The following EDN3 variants were observed in gnomAD, a reference collection of about 807,000 sequenced individuals.
EDN3 encodes endothelin 3.
Under a neutral mutation model 21.4 loss-of-function variants are expected in EDN3, and 9 were observed. The ratio of observed to expected loss-of-function variants is 0.42; its 90% CI spans 0.25 to 0.73. The LOEUF is 0.73. EDN3 is among the 30% of genes least tolerant of loss of function. The probability of loss-of-function intolerance (pLI) is 0.26; values close to 1 mark genes in which losing one functional copy is unlikely to be tolerated. For synonymous variants in EDN3, 133 were observed against 126.2 expected (o/e 1.05, Z -0.36); for missense variants, 327 against 309.4 (o/e 1.06, Z -0.43).
rs764022228 is a variant in EDN3, at chr20:59,300,798, G to C, written c.-15G>C. 1 of 1,608,422 alleles carries C rather than the reference G, an allele frequency of 6.2e-7. No individual in the cohort carries two copies. The highest frequency in any genetic ancestry group is 1.1e-5 in the South Asian group (1 of 90,478). ...CGTCCTCCTGGTCCGGTGCTCCGGC[G>C]CCTGATCTAGGTTCATGGAGCCGGG... On this transcript the variant is annotated 5_prime_UTR_variant, in exon 1 of 5. Coordinates refer to ENST00000337938, the MANE Select transcript of EDN3 (RefSeq NM_207034.3).
rs1448137051 is a variant in EDN3 at position 59,311,330 on chromosome 20, G to A, written c.365+9608G>A. Among the ~76,000 whole-genome samples, 6 of 152,220 alleles carry A rather than the reference G, an allele frequency of 3.9e-5. No homozygotes were observed. In the East Asian group the frequency reaches 1.2e-3, roughly 29 times the overall value. On this transcript the variant is annotated intron_variant, in intron 2 of 4. Transcript: ENST00000337938. ...GGCAAGTCCATAGAGTAAAGCGAAAGCAAATGTATTAGAGAAGTAAAGAAA... is the reference window on the plus strand; with the variant it reads ...GGCAAGTCCATAGAGTAAAGCGAAAACAAATGTATTAGAGAAGTAAAGAAA...
chr20:59,305,957 A>G lies in EDN3; in HGVS notation c.365+4235A>G, dbSNP rs1332720241. 2.0e-5 allele frequency among the ~76,000 whole-genome samples: 3 copies of G among 152,232 alleles called. No individual in the cohort carries two copies. Among genetic ancestry groups the G allele is most frequent in the African/African-American group, 4.8e-5 (2 of 41,454 alleles). The stretch of plus-strand genomic sequence containing the variant: ...GCCAAGTTGACACCTAAAGTGACCC[A>G]TAACGGGGATGTCAGCTCGAACCAC... On this transcript the variant is annotated intron_variant, in intron 2 of 4. Transcript: ENST00000337938. The surrounding 1 kb of genome is among the most constrained non-coding windows in gnomAD (Gnocchi z 4.2).
intron 2 of EDN3, among the ~76,000 whole-genome samples, chr20:59,311,656 G>GTT (rs57971399): frequency 8.4e-5 from 12 of 142,948 alleles, no homozygotes; most frequent in Admixed American, 2.8e-4. Flanking sequence ...TTTTGGCCAT[G>GTT]TTTTTTTTTT....
chr20:59,306,595 TAAAAAAA>T (rs57144708), intron 2 of EDN3, among the ~76,000 whole-genome samples: 18,329 of 62,540 alleles, frequency 0.29, 1,586 homozygotes, highest in Middle Eastern at 0.44. Context: ...GCATAAAGAG[TAAAAAAA>T]AAAAAAAAAA....
At chr20:59,301,039 TA>T (rs1257369524) in intron 1 of EDN3, among the ~76,000 whole-genome samples, 175 bp downstream of exon 1, 1 of 152,194 alleles carries the variant, frequency 6.6e-6, no homozygotes, top group African/African-American at 2.4e-5. Flanking sequence ...GCGCAACGAC[TA>T]CCCGCACGGG....
chr20:59,322,493 G>A lies in EDN3; in HGVS notation c.588+76G>A. 6.3e-7 allele frequency: 1 copy of A among 1,587,600 alleles called. No individual in the cohort carries two copies. Among genetic ancestry groups the A allele is most frequent in the Non-Finnish European group, 8.6e-7 (1 of 1,156,918 alleles). On this transcript the variant is annotated intron_variant, in intron 4 of 4. Transcript: ENST00000337938. The surrounding 1 kb of genome is among the most constrained non-coding windows in gnomAD (Gnocchi z 4.1). ...GTCATTCCTTCGGGGGTGGGTGGAG[G>A]GTGTTTTGAGGGGATGGCATCTGGT...
chr20:59,312,589 T>C (rs1019094746), intron 2 of EDN3, among the ~76,000 whole-genome samples: 1 of 152,172 alleles, frequency 6.6e-6, no homozygotes, highest in East Asian at 1.9e-4. Context: ...CTTATGGTAA[T>C]AGGCCATGGA....
Position 59,300,690 on chromosome 20 carries a change from GA to G in EDN3, c.-122del. On this transcript the variant is annotated 5_prime_UTR_variant, in exon 1 of 5. The change creates a premature stop within an existing upstream ORF in the 5' untranslated region. Coordinates refer to ENST00000337938, the MANE Select transcript of EDN3 (RefSeq NM_207034.3). ...GGCCGGAGCTGGAGACGCAGCGAGC[GA>G]TCGGCCGGCCTCGAACCCCCACAGC... 2 of 960,742 alleles carry G rather than the reference GA, an allele frequency of 2.1e-6. No homozygotes were observed. Among genetic ancestry groups the G allele is most frequent in the Non-Finnish European group, 3.1e-6 (2 of 641,888 alleles). 59.5% of individuals were successfully genotyped at this position (960,742 alleles called of 1,614,324 possible). A position where few individuals can be genotyped will look rare whatever the true frequency, so the allele number is the denominator to read the frequency against.
chr20:59,320,930 A>G, intron 2 of EDN3, 87 bp from the exon 3 acceptor site: 1 of 1,434,646 alleles, frequency 7.0e-7, no homozygotes, highest in Non-Finnish European at 9.8e-7. Flanking sequence ...CTTTTCAGCC[A>G]GGCGGTGGTT....
chr20:59,321,351 A>G (rs886913082), intron 3 of EDN3, among the ~76,000 whole-genome samples, 158 bp downstream of exon 3: 8 of 152,144 alleles, frequency 5.3e-5, no homozygotes, highest in Admixed American at 5.2e-4. Context: ...GAGCCCAGAA[A>G]AGACCCAGGT....
intron 2 of EDN3, among the ~76,000 whole-genome samples, chr20:59,318,388 A>C (rs550394504): frequency 1.3e-5 from 2 of 152,364 alleles, no homozygotes; most frequent in Non-Finnish European, 2.9e-5. Context: ...TTTGGAAGCC[A>C]CATTTGTCCA....
intron 2 of EDN3, among the ~76,000 whole-genome samples, chr20:59,317,511 G>A (rs1361595304): frequency 6.6e-6 from 1 of 152,182 alleles, no homozygotes; most frequent in African/African-American, 2.4e-5. Context: ...TGTTGAGAGG[G>A]TGAAGTGATC....
chr20:59,313,284 G>A (rs1191841461), intron 2 of EDN3, among the ~76,000 whole-genome samples: 1 of 152,188 alleles, frequency 6.6e-6, no homozygotes, highest in African/African-American at 2.4e-5. Context: ...TGCCCTGGAT[G>A]GAGAGGTGAA....
chr20:59,300,858 G>A lies in EDN3; in HGVS notation c.46G>A (p.Ala16Thr), dbSNP rs940470306. Residue 16 changes from alanine to threonine, a missense_variant, in exon 1 of 5, where the codon GCC (alanine) becomes ACC (threonine). Physicochemically the swap from Ala to Thr is moderately conservative, Grantham distance 58. Coordinates refer to ENST00000337938, the MANE Select transcript of EDN3 (RefSeq NM_207034.3). The part of the protein sequence containing the change: ...WLLFGLTVTS[A>T]AGFVPCSQSG... ...CCTTTTCGGGCTCACAGTGACCTCC[G>A]CCGCAGGTAAGCGCACGGGGCGGCG... The A allele has an allele frequency of 5.6e-6, 9 of 1,611,104 alleles. No homozygotes were observed. The highest frequency in any genetic ancestry group is 1.8e-4 in the Middle Eastern group (1 of 5,672).
chr20:59,307,927 A>G (rs1989541410), intron 2 of EDN3, among the ~76,000 whole-genome samples: 1 of 148,890 alleles, frequency 6.7e-6, no homozygotes, highest in Non-Finnish European at 1.5e-5. Context: ...GATAGTGATG[A>G]TTCATATATA....
chr20:59,316,585 A>T (rs893590067), intron 2 of EDN3, among the ~76,000 whole-genome samples: 10 of 152,100 alleles, frequency 6.6e-5, no homozygotes, highest in African/African-American at 2.4e-4. Context: ...TTAAAAACAG[A>T]ATCTTTAAAA....
In EDN3 at chr20:59,324,581, A is replaced by G; in HGVS notation, c.*122A>G. ...CCTGGGGCAGAACACCCACCCAAAGAGTCCCCACTTAACAATACCCCCCCC... is the reference window on the plus strand; with the variant it reads ...CCTGGGGCAGAACACCCACCCAAAGGGTCCCCACTTAACAATACCCCCCCC... On this transcript the variant is annotated 3_prime_UTR_variant, in exon 5 of 5. Transcript: ENST00000337938. The G allele has an allele frequency of 2.2e-6, 3 of 1,382,242 alleles. No homozygotes were observed. The highest frequency in any genetic ancestry group is 2.0e-6 in the Non-Finnish European group (2 of 996,680). 85.6% of individuals were successfully genotyped at this position (1,382,242 alleles called of 1,614,324 possible). A position where few individuals can be genotyped will look rare whatever the true frequency, so the allele number is the denominator to read the frequency against.
At chr20:59,306,595 TAAAAAAAAAAA>T (rs57144708) in intron 2 of EDN3, among the ~76,000 whole-genome samples, 1 of 62,452 alleles carries the variant, frequency 1.6e-5, no homozygotes, top group Non-Finnish European at 2.9e-5. Context: ...GCATAAAGAG[TAAAAAAAAAAA>T]AAAAAAAAAA....
chr20:59,324,251 T>G, intron 4 of EDN3, 80 bp from the exon 5 acceptor site: 1 of 1,585,964 alleles, frequency 6.3e-7, no homozygotes. Context: ...GTTCCCTTTT[T>G]CAGCTTCACA....
Sources: gnomAD v4.1 joint callset for allele counts (sites outside exome capture counted in the v4.1 genomes callset) on GRCh38, gnomAD v4.1.1 for gene constraint, Gnocchi (gnomAD v3.1) non-coding constraint, MANE v1.5 for transcripts, NCBI Gene and HGNC (gene_info 2026-07-23, HGNC 2026-07-21) for gene names.